PKN2: variants seen among roughly 807,000 people sequenced by gnomAD.
PKN2 encodes the protein protein kinase N2.
PKN2 carries 38 observed loss-of-function variants against 119.1 expected under a neutral mutation model. The ratio of observed to expected loss-of-function variants is 0.32; its 90% confidence interval spans 0.25 to 0.42. The LOEUF is 0.42. PKN2 is among the 10% of genes least tolerant of loss of function. The pLI is 1.00. For missense variants in PKN2, 850 were observed against 1,165.1 expected, an observed-to-expected ratio of 0.73 and a Z score of 3.94; for synonymous variants, 390 against 384.9, an observed-to-expected ratio of 1.01 and a Z score of -0.15.
At chr1:88,712,720 A>G (rs911299866) in intron 1 of PKN2, among the ~76,000 whole-genome samples, 1 of 152,202 alleles carries the variant, frequency 6.6e-6, no homozygotes, top group African/African-American at 2.4e-5. Context: ...TGAAGATTCC[A>G]GTTGACTATT....
intron 1 of PKN2, among the ~76,000 whole-genome samples, chr1:88,706,995 A>G (rs1490752181): frequency 6.6e-6 from 1 of 151,558 alleles, no homozygotes; most frequent in East Asian, 1.9e-4. Flanking sequence ...ATTGTTTTAT[A>G]TATCTTGTCT....
At chr1:88,694,703 G>C (rs573452423) in intron 1 of PKN2, among the ~76,000 whole-genome samples, 1 of 152,100 alleles carries the variant, frequency 6.6e-6, no homozygotes, top group Non-Finnish European at 1.5e-5. Context: ...CAGAGTGCCC[G>C]AACTATTTTG....
At chr1:88,710,368 A>G (rs1016291314) in intron 1 of PKN2, among the ~76,000 whole-genome samples, 3 of 152,140 alleles carry the variant, frequency 2.0e-5, no homozygotes, top group African/African-American at 7.2e-5. Flanking sequence ...TATTGAGGAG[A>G]AATTTTGCAT....
chr1:88,828,727 TTAAG>T, intron 19 of PKN2, 104 bp downstream of exon 19: 5 of 905,956 alleles, frequency 5.5e-6, no homozygotes, highest in Non-Finnish European at 8.1e-6. Flanking sequence ...TGAGTGGAAT[TTAAG>T]TTTTATAAAT....
At chr1:88,795,554 T>A (rs1671027969) in intron 8 of PKN2, among the ~76,000 whole-genome samples, 2 of 152,324 alleles carry the variant, frequency 1.3e-5, no homozygotes, top group East Asian at 1.9e-4. Context: ...CAAAAAACCT[T>A]ATGTATAGTG....
intron 1 of PKN2, among the ~76,000 whole-genome samples, chr1:88,695,044 G>A (rs1218357396): frequency 2.0e-5 from 3 of 151,816 alleles, no homozygotes; most frequent in Non-Finnish European, 4.4e-5. Context: ...GGAGAATGGC[G>A]TGAACCCGGG....
chr1:88,803,661 C>G (rs1671422148), intron 8 of PKN2, among the ~76,000 whole-genome samples: 2 of 152,166 alleles, frequency 1.3e-5, no homozygotes, highest in Admixed American at 1.3e-4. Flanking sequence ...TTTTCAGTGT[C>G]TACTGTGTAT....
intron 1 of PKN2, among the ~76,000 whole-genome samples, chr1:88,719,328 T>C (rs1331032127): frequency 1.3e-5 from 2 of 152,242 alleles, no homozygotes; most frequent in Non-Finnish European, 2.9e-5. Flanking sequence ...TAGTTTCATT[T>C]TTCCTTTCTC....
rs748894392 is a variant in PKN2, at chr1:88,821,955, G to C, written c.2294G>C (p.Cys765Ser). ...SEPRAVFYAA[C>S]VVLGLQYLHE... is the part of the protein sequence containing the mutation. ...TCTTCAAACAGATTTTATGCTGCTTGTGTAGTTCTTGGGTTGCAGTATTTA... is the reference window on the plus strand; with the variant it reads ...TCTTCAAACAGATTTTATGCTGCTTCTGTAGTTCTTGGGTTGCAGTATTTA... Residue 765 changes from cysteine to serine, a missense_variant, in exon 17 of 22, where the codon TGT becomes TCT. Cys to Ser is a moderately radical substitution (Grantham distance 112, BLOSUM62 -1). Coordinates refer to ENST00000370521, the MANE Select transcript of PKN2 (RefSeq NM_006256.4). 9 of 1,578,196 alleles carry C rather than the reference G, an allele frequency of 5.7e-6. No homozygotes were observed. Among genetic ancestry groups the C allele is most frequent in the Non-Finnish European group, 7.7e-6 (9 of 1,167,208 alleles).
intron 1 of PKN2, among the ~76,000 whole-genome samples, chr1:88,686,933 A>C (rs910051905): frequency 1.8e-4 from 27 of 152,220 alleles, no homozygotes; most frequent in African/African-American, 5.5e-4. Flanking sequence ...GTATTTAAGA[A>C]GTTTTGTAGC....
At chr1:88,801,059 G>A (rs1055688357) in intron 8 of PKN2, among the ~76,000 whole-genome samples, 5 of 151,950 alleles carry the variant, frequency 3.3e-5, no homozygotes, top group African/African-American at 7.3e-5. Context: ...GAAAATTGCC[G>A]GCGTACCAGC....
chr1:88,705,549 A>G (rs1570502301), intron 1 of PKN2, among the ~76,000 whole-genome samples: 1 of 140,690 alleles, frequency 7.1e-6, no homozygotes, highest in South Asian at 2.3e-4. Context: ...AAAAAAAAAA[A>G]TTAGCCGGTT....
Position 88,733,376 on chromosome 1 carries a change from TTC to T in PKN2, c.49-7610_49-7609del, listed in dbSNP as rs1193034087. Among the ~76,000 whole-genome samples, 3 of 152,348 alleles carry T rather than the reference TTC, an allele frequency of 2.0e-5. No homozygotes were observed. In the East Asian group the frequency reaches 5.8e-4, roughly 29 times the overall value. On this transcript the variant is annotated intron_variant, in intron 1 of 21. Coordinates refer to ENST00000370521, the MANE Select transcript of PKN2 (RefSeq NM_006256.4). The stretch of plus-strand genomic sequence containing the variant: ...TCTTTTGATTTTTTGAGAGTACCTA[TTC>T]TAACTAGAGTGATGTGATATCTCAT...
intron 19 of PKN2, chr1:88,829,329 CACCAA>C: frequency 2.0e-6 from 1 of 505,870 alleles, no homozygotes; most frequent in Non-Finnish European, 3.8e-6. Flanking sequence ...GTATTCGCTA[CACCAA>C]CAGCTCCACC....
At chr1:88,762,566 T>C (rs1248743317) in intron 3 of PKN2, among the ~76,000 whole-genome samples, 1 of 152,220 alleles carries the variant, frequency 6.6e-6, no homozygotes, top group Non-Finnish European at 1.5e-5. Flanking sequence ...TTGATAGCCA[T>C]TATGCTCGGC....
intron 2 of PKN2, among the ~76,000 whole-genome samples, chr1:88,745,216 C>G (rs10922482): frequency 0.052 from 7,878 of 152,246 alleles, 393 homozygotes; most frequent in African/African-American, 0.12. Context: ...GATCAGGATG[C>G]TCACTCTCAA....
chr1:88,722,966 T>C (rs1667743812), intron 1 of PKN2, among the ~76,000 whole-genome samples: 1 of 152,132 alleles, frequency 6.6e-6, no homozygotes, highest in Non-Finnish European at 1.5e-5. Context: ...TGGAATGTAC[T>C]GTGGGTCACC....
At chr1:88,802,951 C>G (rs981036521) in intron 8 of PKN2, among the ~76,000 whole-genome samples, 1 of 152,196 alleles carries the variant, frequency 6.6e-6, no homozygotes, top group African/African-American at 2.4e-5. Context: ...AATTACCAAT[C>G]CTGACATGAT....
intron 6 of PKN2, among the ~76,000 whole-genome samples, chr1:88,781,931 A>G (rs1414311238): frequency 2.6e-5 from 4 of 152,268 alleles, no homozygotes; most frequent in African/African-American, 9.6e-5. Context: ...TCCACAGTCT[A>G]GCAAAACATT....
Sources: gnomAD v4.1 joint callset for allele counts (sites outside exome capture counted in the v4.1 genomes callset) on GRCh38, gnomAD v4.1.1 for gene constraint, MANE v1.5 for transcripts, NCBI Gene and HGNC (gene_info 2026-07-23, HGNC 2026-07-21) for gene names.